RASGRF1: variants seen among roughly 807,000 people sequenced by gnomAD.
The protein encoded by RASGRF1 is ras-specific guanine nucleotide-releasing factor 1.
A neutral mutation model predicts 138.7 loss-of-function variants in RASGRF1; 40 were observed. The ratio of observed to expected loss-of-function variants is 0.29; its 90% CI spans 0.22 to 0.38. The LOEUF (loss-of-function observed/expected upper bound fraction) is 0.38, where lower values mean the gene tolerates loss of function less well. RASGRF1 is among the 10% of genes least tolerant of loss of function. RASGRF1 has a pLI of 1.00. For missense variants in RASGRF1, 1,108 were observed against 1,650.4 expected (o/e 0.67, Z 5.69); for synonymous variants, 614 against 663.2 (o/e 0.93, Z 1.14).
intron 23 of RASGRF1, chr15:78,981,094 A>C (rs1165101038): frequency 6.3e-6 from 1 of 159,292 alleles, no homozygotes; most frequent in Non-Finnish European, 1.4e-5. Flanking sequence ...CTAGACCCAA[A>C]GGATGTGACC....
intron 10 of RASGRF1, among the ~76,000 whole-genome samples, chr15:79,023,377 A>C (rs2056991871): frequency 6.6e-6 from 1 of 152,162 alleles, no homozygotes; most frequent in African/African-American, 2.4e-5. Flanking sequence ...TATTTGATAG[A>C]GGAAGTGTGG....
At chr15:79,034,276 A>G (rs750840646) in intron 6 of RASGRF1, among the ~76,000 whole-genome samples, 2 of 152,214 alleles carry the variant, frequency 1.3e-5, no homozygotes, top group East Asian at 1.9e-4. Context: ...TTATCTACCA[A>G]ATTAAGAAAG....
chr15:79,080,838 C>T (rs1257869068), intron 1 of RASGRF1, among the ~76,000 whole-genome samples: 1 of 152,172 alleles, frequency 6.6e-6, no homozygotes, highest in Non-Finnish European at 1.5e-5. Context: ...GACCTAGAAC[C>T]TGGAGGCCTG....
At chr15:79,064,555 A>C in intron 1 of RASGRF1, 29 bp from the exon 2 acceptor site, 16 of 1,588,924 alleles carry the variant, frequency 1.0e-5, no homozygotes, top group Middle Eastern at 1.7e-4. Flanking sequence ...ATCTCCAATT[A>C]CCAGAGTGTC....
chr15:79,006,033 G>T lies in RASGRF1; in HGVS notation c.2075+153C>A. 1 of 1,127,310 alleles carries T rather than the reference G, an allele frequency of 8.9e-7. No individual in the cohort carries two copies. Among genetic ancestry groups the T allele is most frequent in the Admixed American group, 2.5e-5 (1 of 40,658 alleles). 69.8% of individuals were successfully genotyped at this position (1,127,310 alleles called of 1,614,324 possible). ...GGGAGGCTTGGTTCCTGGGGAGAGG[G>T]GGCAGTGGCGGTGTGTGTCCCGCAG... On this transcript the variant is annotated intron_variant, in intron 14 of 26. Coordinates refer to ENST00000558480, the MANE Select transcript of RASGRF1 (RefSeq NM_001145648.3). The surrounding 1 kb of genome is among the most constrained non-coding windows in gnomAD (Gnocchi z 4.0).
At chr15:79,086,502 A>T (rs2057981673) in intron 1 of RASGRF1, among the ~76,000 whole-genome samples, 1 of 152,046 alleles carries the variant, frequency 6.6e-6, no homozygotes, top group Non-Finnish European at 1.5e-5. Flanking sequence ...TGTCCTGTGC[A>T]TGAGGACTCA....
At position 79,027,817 on chromosome 15, in the gene RASGRF1, T is replaced by C. The variant is rs2057081444; in HGVS notation, c.1305A>G (p.Lys435=). The C allele has an allele frequency of 1.2e-6, 2 of 1,614,102 alleles. No individual in the cohort carries two copies. The highest frequency in any genetic ancestry group is 1.7e-6 in the Non-Finnish European group (2 of 1,180,048). ...TGATCATGCGCTCGATGGCCAGGTT[T>C]TTCCGGATGTTCTCCGTCTCACTTA... is the stretch of plus-strand genomic sequence containing the variant. ...DEVSETENIR[K]NLAIERMIIE... The change falls in exon 9 of 27, where the codon AAA becomes AAG. Residue 435 remains lysine (K), a synonymous_variant. Transcript: ENST00000558480. The surrounding 1 kb of genome is among the most constrained non-coding windows in gnomAD (Gnocchi z 4.8).
intron 4 of RASGRF1, 148 bp from the exon 5 acceptor site, chr15:79,047,147 A>G (rs2141025678): frequency 2.0e-6 from 2 of 995,230 alleles, no homozygotes; most frequent in East Asian, 5.2e-5. Flanking sequence ...GATGTAGACC[A>G]GGCATAGCTC....
intron 26 of RASGRF1, among the ~76,000 whole-genome samples, chr15:78,967,199 T>TGTCACTGCA (rs2055660769): frequency 1.3e-5 from 2 of 152,158 alleles, no homozygotes; most frequent in African/African-American, 4.8e-5. Flanking sequence ...GCTATGATTG[T>TGTCACTGCA]GTCACTGCAT....
At chr15:78,978,889 G>C (rs1201300599) in intron 24 of RASGRF1, 2 of 1,239,704 alleles carry the variant, frequency 1.6e-6, no homozygotes, top group African/African-American at 3.1e-5. Flanking sequence ...CCTCTGCCCT[G>C]TGCTGCAGGG....
intron 26 of RASGRF1, among the ~76,000 whole-genome samples, chr15:78,969,209 C>G (rs2055702599): frequency 6.6e-6 from 1 of 152,232 alleles, no homozygotes; most frequent in South Asian, 2.1e-4. Context: ...ACTCAATCCT[C>G]TACCCCCAAG....
intron 23 of RASGRF1, among the ~76,000 whole-genome samples, chr15:78,982,672 G>A (rs1165660817): frequency 6.6e-6 from 1 of 151,956 alleles, no homozygotes; most frequent in Non-Finnish European, 1.5e-5. Flanking sequence ...ATGATTTTGT[G>A]GTCTCCTAAA....
At chr15:79,035,091 G>A (rs781020834) in intron 6 of RASGRF1, 40 bp downstream of exon 6, 2 of 1,549,554 alleles carry the variant, frequency 1.3e-6, no homozygotes, top group East Asian at 2.3e-5. Flanking sequence ...CCCCTGGAGG[G>A]GGACTTCTCT....
At chr15:79,083,799 T>C (rs865866023) in intron 1 of RASGRF1, among the ~76,000 whole-genome samples, 4 of 152,174 alleles carry the variant, frequency 2.6e-5, no homozygotes, top group Middle Eastern at 6.8e-3. Flanking sequence ...ATCTAGAAAA[T>C]GGGCAATTAG....
At chr15:79,054,237 G>C (rs567930815) in intron 3 of RASGRF1, among the ~76,000 whole-genome samples, 32 of 152,326 alleles carry the variant, frequency 2.1e-4, no homozygotes, top group African/African-American at 6.7e-4. Context: ...GCACGTGGGA[G>C]TGTGAGGAGA....
Position 79,074,224 on chromosome 15 carries a change from C to T in RASGRF1, c.277-9698G>A, listed in dbSNP as rs975517910. Reference sequence around the variant, plus strand: ...TATGGCTGGAATTTATTTTAAAGAGCACCCTAGGTGATTCCGTACATGCTC... The same window carrying T: ...TATGGCTGGAATTTATTTTAAAGAGTACCCTAGGTGATTCCGTACATGCTC... On this transcript the variant is annotated intron_variant, in intron 1 of 26. Coordinates refer to ENST00000558480, the MANE Select transcript of RASGRF1 (RefSeq NM_001145648.3). Among the ~76,000 whole-genome samples the T allele has an allele frequency of 2.0e-5, 3 of 152,244 alleles. No individual in the cohort carries two copies. The East Asian group carries it at 5.8e-4, about 29-fold the overall frequency.
chr15:78,998,933 G>C (rs1310350582), intron 17 of RASGRF1, 108 bp from the exon 18 acceptor site: 6 of 784,594 alleles, frequency 7.6e-6, no homozygotes, highest in Non-Finnish European at 1.1e-5. Context: ...GGGTGAGTGA[G>C]GGGGTCATGG....
At chr15:79,041,315 C>A (rs2057294356) in intron 5 of RASGRF1, among the ~76,000 whole-genome samples, 1 of 152,194 alleles carries the variant, frequency 6.6e-6, no homozygotes, top group Non-Finnish European at 1.5e-5. Context: ...TCCACCCACC[C>A]CTGTGCAATG....
At chr15:79,012,555 G>C in intron 13 of RASGRF1, 1 of 1,614,034 alleles carries the variant, frequency 6.2e-7, no homozygotes. Context: ...CTTTAGATTG[G>C]TAAGCAGATG....
Sources: gnomAD v4.1 joint callset for allele counts (sites outside exome capture counted in the v4.1 genomes callset) on GRCh38, gnomAD v4.1.1 for gene constraint, Gnocchi (gnomAD v3.1) non-coding constraint, MANE v1.5 for transcripts, NCBI Gene and HGNC (gene_info 2026-07-23, HGNC 2026-07-21) for gene names.